The following TBCA variants were observed in gnomAD, a reference collection of about 807,000 sequenced individuals.
TBCA encodes tubulin folding cofactor A, also known as tubulin-specific chaperone A.
A neutral mutation model predicts 15.8 loss-of-function variants in TBCA; 6 were observed. The observed-to-expected ratio is 0.38, with a 90% CI of 0.21 to 0.75. The LOEUF is 0.75. Among genes scored for constraint, TBCA ranks in the 30% least tolerant of loss-of-function variants. TBCA has a pLI of 0.46. For synonymous variants in TBCA, 32 were observed against 42.3 expected (o/e 0.76, Z 0.94); for missense variants, 90 against 131.2 (o/e 0.69, Z 1.53).
rs537287592 is a variant in TBCA, at chr5:77,772,769, G to A, written c.53+3436C>T. The stretch of plus-strand genomic sequence containing the variant: ...ACTTCCATTAATTTATAAGCAATTT[G>A]AGATAATAGTAAACTATCACCAAGT... On this transcript the variant is annotated intron_variant, in intron 1 of 3. Transcript: ENST00000380377. Among the ~76,000 whole-genome samples, 23 of 152,260 alleles carry A rather than the reference G, an allele frequency of 1.5e-4. No individual in the cohort carries two copies. In the East Asian group the frequency reaches 4.4e-3, roughly 29 times the overall value.
intron 1 of TBCA, among the ~76,000 whole-genome samples, chr5:77,748,496 T>A (rs1038188620): frequency 4.0e-5 from 6 of 151,666 alleles, no homozygotes; most frequent in Non-Finnish European, 7.4e-5. Context: ...TTTTTTTTTT[T>A]AAGATTTTCT....
chr5:77,755,662 C>G (rs1479699034), intron 1 of TBCA, among the ~76,000 whole-genome samples: 2 of 151,906 alleles, frequency 1.3e-5, no homozygotes, highest in African/African-American at 4.8e-5. Context: ...ATTAGAAAAC[C>G]TGGCATGCTC....
At chr5:77,727,109 A>G (rs574287484) in intron 1 of TBCA, among the ~76,000 whole-genome samples, 13 of 152,044 alleles carry the variant, frequency 8.6e-5, no homozygotes, top group South Asian at 2.1e-4. Flanking sequence ...CAAAATGGAT[A>G]GTGCTGAGTC....
chr5:77,775,656 G>A (rs774320729), intron 1 of TBCA, among the ~76,000 whole-genome samples: 3 of 152,238 alleles, frequency 2.0e-5, no homozygotes, highest in Non-Finnish European at 4.4e-5. Context: ...TAAGTTTGCT[G>A]AGTGTGCTAG....
chr5:77,726,630 T>C (rs2652213), intron 1 of TBCA, among the ~76,000 whole-genome samples: 3 of 152,222 alleles, frequency 2.0e-5, no homozygotes, highest in Non-Finnish European at 4.4e-5. Context: ...ATTCTCTGAA[T>C]TCATTTTCAT....
chr5:77,767,742 G>A (rs1273174494), intron 1 of TBCA, among the ~76,000 whole-genome samples: 2 of 152,168 alleles, frequency 1.3e-5, no homozygotes, highest in Non-Finnish European at 2.9e-5. Context: ...TTAAATCAAA[G>A]CCAAGTTCCA....
At chr5:77,692,801 G>T in intron 3 of TBCA, 1 of 1,047,822 alleles carries the variant, frequency 9.5e-7, no homozygotes. Flanking sequence ...AGTATGAGGG[G>T]ACTACATAGA....
chr5:77,776,060 C>T (rs1035568521), intron 1 of TBCA, 145 bp downstream of exon 1: 9 of 973,512 alleles, frequency 9.2e-6, no homozygotes, highest in Non-Finnish European at 1.3e-5. Context: ...GGGTCCCTGC[C>T]AGTCCCAGCC....
intron 1 of TBCA, among the ~76,000 whole-genome samples, chr5:77,767,805 G>T (rs1270734988): frequency 6.6e-6 from 1 of 152,182 alleles, no homozygotes; most frequent in Admixed American, 6.5e-5. Context: ...CATCCACACT[G>T]TTGATAATCT....
intron 1 of TBCA, among the ~76,000 whole-genome samples, chr5:77,742,647 G>A (rs765974915): frequency 6.6e-6 from 1 of 152,160 alleles, no homozygotes; most frequent in Non-Finnish European, 1.5e-5. Flanking sequence ...AAATGTTCAG[G>A]TAATATGATT....
chr5:77,761,654 C>T (rs560184543), intron 1 of TBCA, among the ~76,000 whole-genome samples: 27 of 151,680 alleles, frequency 1.8e-4, no homozygotes, highest in African/African-American at 4.1e-4. Flanking sequence ...AAAAAAAATA[C>T]TCTAATGCAA....
intron 1 of TBCA, among the ~76,000 whole-genome samples, chr5:77,725,734 G>C (rs1267297459): frequency 1.3e-5 from 2 of 152,152 alleles, no homozygotes; most frequent in Non-Finnish European, 2.9e-5. Flanking sequence ...TCAATTACCA[G>C]TAATTTTAAT....
intron 1 of TBCA, among the ~76,000 whole-genome samples, chr5:77,732,721 T>C (rs983449490): frequency 6.6e-6 from 1 of 152,206 alleles, no homozygotes; most frequent in Non-Finnish European, 1.5e-5. Flanking sequence ...TTTACGGTGA[T>C]TTGTGATCAC....
intron 1 of TBCA, among the ~76,000 whole-genome samples, chr5:77,756,139 T>C (rs990836205): frequency 3.9e-5 from 6 of 152,146 alleles, no homozygotes; most frequent in Admixed American, 3.9e-4. Flanking sequence ...CAGCCTAGGA[T>C]TTCGTGTAGT....
At chr5:77,700,564 TC>T (rs1283804000) in intron 2 of TBCA, among the ~76,000 whole-genome samples, 43 of 152,216 alleles carry the variant, frequency 2.8e-4, no homozygotes, top group African/African-American at 8.9e-4. Context: ...AAAATAGAGA[TC>T]ACACTGAATG....
At chr5:77,770,244 T>A (rs991626035) in intron 1 of TBCA, among the ~76,000 whole-genome samples, 2 of 152,226 alleles carry the variant, frequency 1.3e-5, no homozygotes, top group Admixed American at 6.5e-5. Flanking sequence ...CTGCATTTTC[T>A]CCTACTTTAG....
intron 1 of TBCA, among the ~76,000 whole-genome samples, chr5:77,717,116 T>A (rs1031812954): frequency 6.6e-6 from 1 of 152,192 alleles, no homozygotes. Flanking sequence ...GTCAATCTAG[T>A]CAGAGAACTG....
intron 1 of TBCA, among the ~76,000 whole-genome samples, chr5:77,735,155 C>T (rs1746870122): frequency 3.3e-5 from 5 of 152,058 alleles, no homozygotes; most frequent in Admixed American, 3.3e-4. Context: ...GTACCTGTAT[C>T]TAGATTTTAC....
chr5:77,753,397 AT>A (rs1747402054), intron 1 of TBCA, among the ~76,000 whole-genome samples: 1 of 152,236 alleles, frequency 6.6e-6, no homozygotes, highest in Non-Finnish European at 1.5e-5. Flanking sequence ...TATAAGAGAC[AT>A]GCAGACAAAA....
Sources: allele counts gnomAD v4.1 joint callset (sites outside exome capture counted in the v4.1 genomes callset), GRCh38; gene constraint gnomAD v4.1.1; transcripts MANE v1.5; gene names NCBI Gene and HGNC (gene_info 2026-07-23, HGNC 2026-07-21).